The following TWSG1 variants were observed in gnomAD, a reference collection of about 807,000 sequenced individuals.
TWSG1 encodes twisted gastrulation BMP signaling modulator 1.
A neutral mutation model predicts 23.0 loss-of-function variants in TWSG1; 15 were observed. The ratio of observed to expected loss-of-function variants is 0.65; its 90% confidence interval spans 0.44 to 1.00. TWSG1 has a LOEUF of 1.00. Among genes scored for constraint, TWSG1 ranks in the 50% least tolerant of loss-of-function variants. The pLI is 0.00. For missense variants in TWSG1, 242 were observed against 278.7 expected (o/e 0.87, Z 0.94); for synonymous variants, 86 against 92.8 (o/e 0.93, Z 0.42).
At chr18:9,368,457 TC>T (rs1168564276) in intron 3 of TWSG1, among the ~76,000 whole-genome samples, 1 of 152,150 alleles carries the variant, frequency 6.6e-6, no homozygotes, top group Non-Finnish European at 1.5e-5. Flanking sequence ...CGCCTCAGCC[TC>T]CCAGAGTGCT....
Position 9,402,235 on chromosome 18 carries a change from G to A in TWSG1, c.*2708G>A, listed in dbSNP as rs994173005. 1.9e-4 allele frequency: 29 copies of A among 152,118 alleles called. No homozygotes were observed. The highest frequency in any genetic ancestry group is 3.4e-4 in the Non-Finnish European group (23 of 68,018). 9.4% of individuals were successfully genotyped at this position (152,118 alleles called of 1,614,324 possible). ...AAAGAAAGTTTTCTGAAAAAATGCA[G>A]TAAATATAAGCCACATTTCTAAAGT... On this transcript the variant is annotated 3_prime_UTR_variant, in exon 5 of 5. Transcript: ENST00000262120.
intron 3 of TWSG1, among the ~76,000 whole-genome samples, chr18:9,395,040 C>T (rs1268376557): frequency 2.0e-5 from 3 of 152,176 alleles, no homozygotes; most frequent in Non-Finnish European, 2.9e-5. Context: ...GTCCTATCCA[C>T]GAACATGTGA....
rs112210274 is a variant in TWSG1 at position 9,388,986 on chromosome 18, T to C, written c.224-7294T>C. ...TTTGGCTTTTTGTTTGTTTGTTTGT[T>C]TGTTTTTGAGATGGAATTTCGCTCT... On this transcript the variant is annotated intron_variant, in intron 3 of 4. Transcript: ENST00000262120. 4.4e-3 allele frequency among the ~76,000 whole-genome samples: 677 copies of C among 152,296 alleles called. 5 individuals are homozygous for C. The highest frequency in any genetic ancestry group is 0.015 in the African/African-American group (620 of 41,540).
intron 3 of TWSG1, among the ~76,000 whole-genome samples, chr18:9,390,323 G>A (rs1427286321): frequency 3.3e-5 from 5 of 152,032 alleles, no homozygotes; most frequent in East Asian, 1.9e-4. Context: ...CATCATGCCC[G>A]GCTAATTTTT....
At chr18:9,388,564 T>C (rs750105346) in intron 3 of TWSG1, 9 of 152,248 alleles carry the variant, frequency 5.9e-5, no homozygotes, top group Non-Finnish European at 8.8e-5. Flanking sequence ...GACCTTAGTA[T>C]CTTTAACAGC....
intron 3 of TWSG1, among the ~76,000 whole-genome samples, chr18:9,395,557 A>G (rs2040730803): frequency 6.6e-6 from 1 of 152,156 alleles, no homozygotes; most frequent in Non-Finnish European, 1.5e-5. Context: ...TTTTGTTTAC[A>G]AGATGGTAAT....
intron 2 of TWSG1, among the ~76,000 whole-genome samples, chr18:9,348,701 A>T (rs996528571): frequency 3.9e-5 from 6 of 152,256 alleles, no homozygotes; most frequent in African/African-American, 1.4e-4. Flanking sequence ...AATGAATACA[A>T]TAAGGTGGAA....
chr18:9,336,265 T>C (rs1268305002), intron 1 of TWSG1, among the ~76,000 whole-genome samples: 1 of 151,772 alleles, frequency 6.6e-6, no homozygotes, highest in East Asian at 1.9e-4. Context: ...GGTGATAGGC[T>C]CCTGTGATCC....
In TWSG1 at chr18:9,376,538, T is replaced by C. The variant is rs78842921; in HGVS notation, c.223+16467T>C. On this transcript the variant is annotated intron_variant, in intron 3 of 4. Transcript: ENST00000262120. ...TTTTGTATTATTGGATTTAGCCAAC[T>C]GCAGATCAAAAATGTAGTTAGGGCT... 1.4e-3 allele frequency among the ~76,000 whole-genome samples: 213 copies of C among 152,342 alleles called. 1 individual carries two copies. The highest frequency in any genetic ancestry group is 5.0e-3 in the African/African-American group (207 of 41,584).
intron 3 of TWSG1, among the ~76,000 whole-genome samples, chr18:9,393,588 TA>T (rs2040721709): frequency 6.6e-6 from 1 of 152,198 alleles, no homozygotes; most frequent in South Asian, 2.1e-4. Context: ...GACTGGGTCT[TA>T]CTCTGTCACC....
At chr18:9,345,729 T>C (rs971489736) in intron 2 of TWSG1, among the ~76,000 whole-genome samples, 2 of 152,190 alleles carry the variant, frequency 1.3e-5, no homozygotes, top group African/African-American at 4.8e-5. Flanking sequence ...CTTAGGCTGT[T>C]CTGGGTCCCT....
In TWSG1 at chr18:9,399,603, A is replaced by G. The variant is rs1286307458; in HGVS notation, c.*76A>G. ...GTTATTCTGTAAGTCTGTTGGTTGT[A>G]TCTTGTATCAGAATCCCAGTAAGTT... On this transcript the variant is annotated 3_prime_UTR_variant, in exon 5 of 5. Transcript: ENST00000262120. 3 of 1,302,264 alleles carry G rather than the reference A, an allele frequency of 2.3e-6. No individual in the cohort carries two copies. The highest frequency in any genetic ancestry group is 3.1e-6 in the Non-Finnish European group (3 of 971,520). 80.7% of individuals were successfully genotyped at this position (1,302,264 alleles called of 1,614,324 possible). A position where few individuals can be genotyped will look rare whatever the true frequency, so the allele number is the denominator to read the frequency against.
intron 2 of TWSG1, among the ~76,000 whole-genome samples, chr18:9,337,782 T>G (rs1239426383): frequency 6.6e-6 from 1 of 152,216 alleles, no homozygotes; most frequent in Non-Finnish European, 1.5e-5. Context: ...ACATAGCAAC[T>G]TAGTGCAATA....
intron 3 of TWSG1, among the ~76,000 whole-genome samples, chr18:9,386,286 C>A (rs955120423): frequency 9.3e-5 from 14 of 151,322 alleles, no homozygotes; most frequent in Non-Finnish European, 1.8e-4. Flanking sequence ...ATGGTGAAAC[C>A]GCGTCTGTAC....
At chr18:9,345,776 T>C (rs936175501) in intron 2 of TWSG1, among the ~76,000 whole-genome samples, 3 of 152,202 alleles carry the variant, frequency 2.0e-5, no homozygotes, top group African/African-American at 7.2e-5. Context: ...AACTTGTCAA[T>C]TTCTGTAATA....
intron 3 of TWSG1, among the ~76,000 whole-genome samples, chr18:9,374,053 T>G (rs2040617979): frequency 6.6e-6 from 1 of 152,136 alleles, no homozygotes; most frequent in African/African-American, 2.4e-5. Context: ...AAGCAGTGTT[T>G]AAGGGGAATT....
chr18:9,370,315 TAA>T (rs34521583), intron 3 of TWSG1, among the ~76,000 whole-genome samples: 2 of 144,182 alleles, frequency 1.4e-5, no homozygotes, highest in Admixed American at 6.9e-5. Flanking sequence ...AGACTCCATC[TAA>T]AAAAAAAAAA....
intron 2 of TWSG1, among the ~76,000 whole-genome samples, chr18:9,351,109 T>G (rs925881117): frequency 2.6e-5 from 4 of 152,124 alleles, no homozygotes; most frequent in Admixed American, 2.6e-4. Context: ...TTAGTTTCCT[T>G]AATTTAAGAA....
intron 3 of TWSG1, among the ~76,000 whole-genome samples, chr18:9,393,410 G>T (rs1351096079): frequency 6.6e-6 from 1 of 152,208 alleles, no homozygotes; most frequent in African/African-American, 2.4e-5. Flanking sequence ...GATCCACTTG[G>T]TGTCAGCTGG....
Sources: allele counts gnomAD v4.1 joint callset (sites outside exome capture counted in the v4.1 genomes callset), GRCh38; gene constraint gnomAD v4.1.1; transcripts MANE v1.5; gene names NCBI Gene and HGNC (gene_info 2026-07-23, HGNC 2026-07-21).